RPTOR: variants seen among roughly 807,000 people sequenced by gnomAD.
RPTOR encodes the protein regulatory-associated protein of mTOR.
In RPTOR, 21 loss-of-function variants were observed where a neutral mutation model predicts 169.9. That is an observed-to-expected ratio of 0.12 (90% CI 0.09 to 0.18). RPTOR has a LOEUF of 0.18. Among genes scored for constraint, RPTOR ranks in the 10% least tolerant of loss-of-function variants. RPTOR has a pLI of 1.00. For missense variants in RPTOR, 1,133 were observed against 1,855.9 expected, an observed-to-expected ratio of 0.61 and a Z score of 7.16; for synonymous variants, 732 against 753.2, an observed-to-expected ratio of 0.97 and a Z score of 0.46.
intron 1 of RPTOR, among the ~76,000 whole-genome samples, chr17:80,574,915 C>T (rs2143329291): frequency 6.7e-6 from 1 of 149,222 alleles, no homozygotes; most frequent in Non-Finnish European, 1.5e-5. Context: ...TCCTCCTGCC[C>T]TGGCCTCCCA....
intron 21 of RPTOR, among the ~76,000 whole-genome samples, chr17:80,921,101 G>A (rs994069632): frequency 1.3e-5 from 2 of 152,224 alleles, no homozygotes; most frequent in Non-Finnish European, 2.9e-5. Context: ...GAAGACTTCA[G>A]GATCGTTTTG....
At chr17:80,709,412 G>A (rs1446622027) in intron 4 of RPTOR, among the ~76,000 whole-genome samples, 1 of 152,200 alleles carries the variant, frequency 6.6e-6, no homozygotes, top group African/African-American at 2.4e-5. Flanking sequence ...CCCCCGGTGT[G>A]CTGGCTCTCA....
chr17:80,554,322 A>G (rs1433421885), intron 1 of RPTOR, among the ~76,000 whole-genome samples: 2 of 152,176 alleles, frequency 1.3e-5, no homozygotes, highest in Non-Finnish European at 2.9e-5. Context: ...TGTAATATCA[A>G]ATAATAATAT....
chr17:80,799,961 C>T (rs2067140228), intron 7 of RPTOR, among the ~76,000 whole-genome samples: 3 of 152,242 alleles, frequency 2.0e-5, no homozygotes, highest in Admixed American at 6.5e-5. Flanking sequence ...AGAGGATGTA[C>T]CCTCATCCTA....
intron 24 of RPTOR, among the ~76,000 whole-genome samples, chr17:80,929,487 C>T (rs1023147946): frequency 6.6e-6 from 1 of 152,328 alleles, no homozygotes; most frequent in Admixed American, 6.5e-5. Context: ...TTATAAAAAG[C>T]TTTAAGAGTC....
At chr17:80,774,073 T>C (rs755126304) in intron 6 of RPTOR, 17 of 985,278 alleles carry the variant, frequency 1.7e-5, no homozygotes, top group Non-Finnish European at 2.0e-5. Flanking sequence ...GAAGCACTGA[T>C]CATTGTGTTC....
At chr17:80,692,275 CTACGT>C (rs946353667) in intron 3 of RPTOR, among the ~76,000 whole-genome samples, 6 of 139,422 alleles carry the variant, frequency 4.3e-5, no homozygotes, top group South Asian at 4.8e-4. Flanking sequence ...CCATGTCTGG[CTACGT>C]TATGTTATGT....
At chr17:80,684,171 G>A (rs2065918164) in intron 3 of RPTOR, among the ~76,000 whole-genome samples, 1 of 152,112 alleles carries the variant, frequency 6.6e-6, no homozygotes, top group South Asian at 2.1e-4. Context: ...GCTGTTATTT[G>A]CACTGTACTC....
intron 1 of RPTOR, among the ~76,000 whole-genome samples, chr17:80,603,886 AG>A (rs1320488915): frequency 1.3e-5 from 2 of 152,248 alleles, no homozygotes; most frequent in Non-Finnish European, 2.9e-5. Context: ...GCAGGCATTC[AG>A]CATAAACCAT....
At chr17:80,564,253 G>T (rs1236894804) in intron 1 of RPTOR, among the ~76,000 whole-genome samples, 1 of 151,950 alleles carries the variant, frequency 6.6e-6, no homozygotes, top group Non-Finnish European at 1.5e-5. Context: ...TAGTAGAGAT[G>T]GGGTTTTACC....
At chr17:80,600,151 G>C (rs1435107747) in intron 1 of RPTOR, among the ~76,000 whole-genome samples, 1 of 152,142 alleles carries the variant, frequency 6.6e-6, no homozygotes. Context: ...AATCCCGTCT[G>C]GCCTCTAAGA....
intron 21 of RPTOR, among the ~76,000 whole-genome samples, chr17:80,916,648 A>G (rs781723807): frequency 3.3e-5 from 5 of 152,236 alleles, no homozygotes; most frequent in Non-Finnish European, 5.9e-5. Context: ...GCAATACCCC[A>G]AGGATCCCAT....
chr17:80,686,273 G>A lies in RPTOR; in HGVS notation c.349-21568G>A, dbSNP rs543001233. Among the ~76,000 whole-genome samples, 44 of 150,054 alleles carry A rather than the reference G, an allele frequency of 2.9e-4. No homozygotes were observed. The East Asian group carries it at 6.7e-3, about 23-fold the overall frequency. On this transcript the variant is annotated intron_variant, in intron 3 of 33. Coordinates refer to ENST00000306801, the MANE Select transcript of RPTOR (RefSeq NM_020761.3). ...ACGATCTCGGCTCACTGCAAGCTCC[G>A]CCTCCTGGGTTCACGCCATTCTCCT...
chr17:80,816,182 T>C (rs1233443971), intron 7 of RPTOR, among the ~76,000 whole-genome samples: 1 of 152,208 alleles, frequency 6.6e-6, no homozygotes, highest in African/African-American at 2.4e-5. Context: ...GGGGCCCAGC[T>C]GTGTGTTAAG....
At chr17:80,573,484 T>C (rs1445830946) in intron 1 of RPTOR, among the ~76,000 whole-genome samples, 1 of 152,202 alleles carries the variant, frequency 6.6e-6, no homozygotes, top group African/African-American at 2.4e-5. Flanking sequence ...CCATCTTTTG[T>C]TGGAATTCTT....
At chr17:80,935,249 AG>A (rs1210422520) in intron 24 of RPTOR, among the ~76,000 whole-genome samples, 1 of 152,232 alleles carries the variant, frequency 6.6e-6, no homozygotes, top group African/African-American at 2.4e-5. Context: ...CTGGTTTAGA[AG>A]ACTCAATAAT....
rs961340617 is a variant in RPTOR at position 80,562,086 on chromosome 17, T to C, written c.162+16295T>C. On this transcript the variant is annotated intron_variant, in intron 1 of 33. Coordinates refer to ENST00000306801, the MANE Select transcript of RPTOR (RefSeq NM_020761.3). This position sits in a 1 kb window ranked among gnomAD's most constrained non-coding sequence, Gnocchi z 4.4. The stretch of plus-strand genomic sequence containing the variant: ...TCTTGAGGGTAGGAGGAGATGAGGG[T>C]CTGGTGGCGGCTTGGGCTGGTAGTG... 6.6e-6 allele frequency among the ~76,000 whole-genome samples: 1 copy of C among 151,834 alleles called. No homozygotes were observed. Among genetic ancestry groups the C allele is most frequent in the Non-Finnish European group, 1.5e-5 (1 of 67,980 alleles).
intron 7 of RPTOR, among the ~76,000 whole-genome samples, chr17:80,812,493 G>C (rs1237248409): frequency 1.3e-5 from 2 of 152,100 alleles, no homozygotes; most frequent in Non-Finnish European, 2.9e-5. Flanking sequence ...AGTTTCCCCA[G>C]ATCTGCTTCT....
At chr17:80,658,492 C>T (rs549950481) in intron 3 of RPTOR, among the ~76,000 whole-genome samples, 6 of 152,204 alleles carry the variant, frequency 3.9e-5, no homozygotes, top group South Asian at 2.1e-4. Flanking sequence ...GTTCCCTCCC[C>T]GCACCCCCCT....
Sources: gnomAD v4.1 joint callset for allele counts (sites outside exome capture counted in the v4.1 genomes callset) on GRCh38, gnomAD v4.1.1 for gene constraint, Gnocchi (gnomAD v3.1) non-coding constraint, MANE v1.5 for transcripts, NCBI Gene and HGNC (gene_info 2026-07-23, HGNC 2026-07-21) for gene names.